NSG2: variants seen among roughly 807,000 people sequenced by gnomAD.
The protein encoded by NSG2 is neuronal vesicle trafficking-associated protein 2.
Under a neutral mutation model 16.9 loss-of-function variants are expected in NSG2, and 4 were observed. The ratio of observed to expected loss-of-function variants is 0.24; its 90% CI spans 0.12 to 0.54. The LOEUF is 0.54. Among genes scored for constraint, NSG2 ranks in the 20% least tolerant of loss-of-function variants. The probability of loss-of-function intolerance (pLI) is 0.95; values close to 1 mark genes in which losing one functional copy is unlikely to be tolerated. For missense variants in NSG2, 179 were observed against 221.1 expected (o/e 0.81, Z 1.21); for synonymous variants, 98 against 88.7 (o/e 1.11, Z -0.59).
intron 3 of NSG2, among the ~76,000 whole-genome samples, chr5:174,096,889 T>C (rs1760802264): frequency 6.6e-6 from 1 of 152,114 alleles, no homozygotes; most frequent in Admixed American, 6.5e-5. Context: ...GTCAGGGGCA[T>C]GGTGAGGTCA....
chr5:174,082,269 T>A (rs922605195), intron 3 of NSG2: 9 of 152,254 alleles, frequency 5.9e-5, no homozygotes, highest in Non-Finnish European at 4.4e-5. Context: ...GGATGATTCA[T>A]GGAAGTACAA....
In NSG2 at chr5:174,074,260, A is replaced by T. The variant is rs35931350; in HGVS notation, c.213+9945A>T. Among the ~76,000 whole-genome samples, 111 of 152,342 alleles carry T rather than the reference A, an allele frequency of 7.3e-4. 2 individuals are homozygous for T. Among genetic ancestry groups the T allele is most frequent in the South Asian group, 6.0e-3 (29 of 4,828 alleles). On this transcript the variant is annotated intron_variant, in intron 3 of 4. Coordinates refer to ENST00000303177, the MANE Select transcript of NSG2 (RefSeq NM_015980.5). ...AAGGCTCCATCATAGACCTAGTGTG[A>T]GGCCTAAGTGAGGCAATGTAAGCTA...
At position 174,064,296 on chromosome 5, in the gene NSG2, C is replaced by T. The variant is rs1030492835; in HGVS notation, c.194C>T (p.Pro65Leu). The T allele has an allele frequency of 4.3e-6, 7 of 1,610,496 alleles. No individual in the cohort carries two copies. Among genetic ancestry groups the T allele is most frequent in the East Asian group, 2.2e-5 (1 of 44,852 alleles). The change falls in exon 3 of 5, where the codon CCG becomes CTG. Residue 65 changes from proline to leucine, a missense_variant. By Grantham distance (98) the Pro-to-Leu change is moderately conservative. Coordinates refer to ENST00000303177, the MANE Select transcript of NSG2 (RefSeq NM_015980.5). ...EQKNKGKFRV[P>L]KIAEFTVTIL... Reference sequence around the variant, plus strand: ...AAGAACAAAGGGAAGTTCCGGGTGCCGAAAATCGCTGAATTTACGGTCAGT... The same window carrying T: ...AAGAACAAAGGGAAGTTCCGGGTGCTGAAAATCGCTGAATTTACGGTCAGT...
intron 3 of NSG2, among the ~76,000 whole-genome samples, chr5:174,068,005 G>A (rs1760173152): frequency 6.6e-6 from 1 of 152,146 alleles, no homozygotes. Flanking sequence ...TTGGAGCTCA[G>A]GATGGAGATT....
chr5:174,056,691 T>C (rs1025886885), intron 2 of NSG2: 12 of 152,220 alleles, frequency 7.9e-5, no homozygotes, highest in Admixed American at 1.3e-4. Context: ...GCTCCAGGGA[T>C]GATGGGTATA....
At chr5:174,070,162 C>T (rs1561665492) in intron 3 of NSG2, among the ~76,000 whole-genome samples, 1 of 152,080 alleles carries the variant, frequency 6.6e-6, no homozygotes, top group African/African-American at 2.4e-5. Flanking sequence ...TCTGGGATTA[C>T]AGGTGTGAGC....
Position 174,108,477 on chromosome 5 carries a change from A to G in NSG2, c.*972A>G, listed in dbSNP as rs1761019984. On this transcript the variant is annotated 3_prime_UTR_variant, in exon 5 of 5. Transcript: ENST00000303177. ...AGTGCTGATAACAATAACAACAACA[A>G]TAGGATTCCAACCAGGAGCCTCAAG... The G allele has an allele frequency of 1.3e-5, 2 of 152,562 alleles. No individual in the cohort carries two copies. The highest frequency in any genetic ancestry group is 2.1e-4 in the South Asian group (1 of 4,830). The allele number at this position is 152,562 out of a possible 1,614,324, so 9.5% of individuals were successfully genotyped here.
At chr5:174,084,968 C>G (rs1321467279) in intron 3 of NSG2, among the ~76,000 whole-genome samples, 1 of 152,142 alleles carries the variant, frequency 6.6e-6, no homozygotes, top group Non-Finnish European at 1.5e-5. Flanking sequence ...GCACGTCCAT[C>G]TTTTTTGGAG....
rs1331465056 is a variant in NSG2, at chr5:174,081,904, AAAAAG to A, written c.213+17591_213+17595del. On this transcript the variant is annotated intron_variant, in intron 3 of 4. Coordinates refer to ENST00000303177, the MANE Select transcript of NSG2 (RefSeq NM_015980.5). The stretch of plus-strand genomic sequence containing the variant: ...CTCCGACTCAAAAAAAAAAAAAAAA[AAAAAG>A]AGAGAGAATGTACATGCATTTTTCT... Among the ~76,000 whole-genome samples the A allele has an allele frequency of 2.0e-5, 3 of 151,890 alleles. No homozygotes were observed. The East Asian group carries it at 5.8e-4, about 29-fold the overall frequency.
intron 3 of NSG2, among the ~76,000 whole-genome samples, chr5:174,093,717 G>T (rs750908925): frequency 2.6e-5 from 4 of 152,200 alleles, no homozygotes; most frequent in Non-Finnish European, 5.9e-5. Context: ...CTGTTTGGCC[G>T]CCCTGTTTTT....
intron 3 of NSG2, among the ~76,000 whole-genome samples, chr5:174,087,028 G>A (rs1760637121): frequency 1.3e-5 from 2 of 152,134 alleles, no homozygotes; most frequent in Non-Finnish European, 1.5e-5. Context: ...TCTTCCCATG[G>A]GGAGCTTTCC....
At chr5:174,086,086 C>CCCCTG (rs1406170234) in intron 3 of NSG2, among the ~76,000 whole-genome samples, 2 of 151,992 alleles carry the variant, frequency 1.3e-5, no homozygotes, top group African/African-American at 2.4e-5. Flanking sequence ...CCCGTTTAAC[C>CCCCTG]CCCTGCCCTG....
intron 3 of NSG2, among the ~76,000 whole-genome samples, chr5:174,080,655 G>A (rs931532596): frequency 2.0e-5 from 3 of 151,758 alleles, no homozygotes; most frequent in African/African-American, 4.8e-5. Flanking sequence ...TCCACCTCCC[G>A]GGTTCAAGTG....
intron 3 of NSG2, among the ~76,000 whole-genome samples, chr5:174,088,749 G>A (rs777625567): frequency 6.6e-6 from 1 of 152,128 alleles, no homozygotes; most frequent in African/African-American, 2.4e-5. Context: ...GCTTCAAGGT[G>A]GCTATTAGGA....
At chr5:174,071,284 G>A (rs903744890) in intron 3 of NSG2, among the ~76,000 whole-genome samples, 2 of 152,064 alleles carry the variant, frequency 1.3e-5, no homozygotes, top group African/African-American at 2.4e-5. Flanking sequence ...GTCAGGAGAC[G>A]GAGACCATCC....
intron 2 of NSG2, among the ~76,000 whole-genome samples, chr5:174,051,042 C>T (rs1387176319): frequency 2.0e-5 from 3 of 152,170 alleles, no homozygotes; most frequent in Non-Finnish European, 2.9e-5. Context: ...TTCACTCCCA[C>T]GTTGCGCCTC....
chr5:174,067,455 AC>A (rs1364950454), intron 3 of NSG2, among the ~76,000 whole-genome samples: 1 of 152,030 alleles, frequency 6.6e-6, no homozygotes, highest in East Asian at 1.9e-4. Flanking sequence ...GAAGTTCTCC[AC>A]CCCCGCGCAG....
chr5:174,083,444 G>C (rs1309028522), intron 3 of NSG2, among the ~76,000 whole-genome samples: 1 of 152,188 alleles, frequency 6.6e-6, no homozygotes, highest in Non-Finnish European at 1.5e-5. Context: ...ATGGAACAGC[G>C]TAACTTTCCT....
rs1465477543 is a variant in NSG2 at position 174,072,972 on chromosome 5, AG to A, written c.213+8658del. Among the ~76,000 whole-genome samples the A allele has an allele frequency of 3.7e-4, 57 of 152,170 alleles. No individual in the cohort carries two copies. Among genetic ancestry groups the A allele is most frequent in the African/African-American group, 1.3e-3 (55 of 41,524 alleles). On this transcript the variant is annotated intron_variant, in intron 3 of 4. Transcript: ENST00000303177. This position sits in a 1 kb window ranked among gnomAD's most constrained non-coding sequence, Gnocchi z 4.0. ...GCACTCCAACCTGGGTAACAGAGTGAGATCCTGTCTCAAATGAATGAATGAA... is the reference window on the plus strand; with the variant it reads ...GCACTCCAACCTGGGTAACAGAGTGAATCCTGTCTCAAATGAATGAATGAA...
Sources: gnomAD v4.1 joint callset for allele counts (sites outside exome capture counted in the v4.1 genomes callset) on GRCh38, gnomAD v4.1.1 for gene constraint, Gnocchi (gnomAD v3.1) non-coding constraint, MANE v1.5 for transcripts, NCBI Gene and HGNC (gene_info 2026-07-23, HGNC 2026-07-21) for gene names.